The following SNX29 variants were observed in gnomAD, a reference collection of about 807,000 sequenced individuals.
The protein encoded by SNX29 is sorting nexin-29.
A neutral mutation model predicts 102.1 loss-of-function variants in SNX29; 78 were observed. The ratio of observed to expected loss-of-function variants is 0.76; its 90% CI spans 0.64 to 0.92. The LOEUF (loss-of-function observed/expected upper bound fraction) is 0.92, where lower values mean the gene tolerates loss of function less well. Among genes scored for constraint, SNX29 ranks in the 40% least tolerant of loss-of-function variants. The probability of loss-of-function intolerance (pLI) is 0.00; values close to 1 mark genes in which losing one functional copy is unlikely to be tolerated. For missense variants in SNX29, 1,280 were observed against 1,061.7 expected (o/e 1.21, Z -2.86); for synonymous variants, 580 against 414.5 (o/e 1.40, Z -4.85).
At chr16:12,285,876 G>C (rs751149617) in intron 15 of SNX29, among the ~76,000 whole-genome samples, 1 of 152,108 alleles carries the variant, frequency 6.6e-6, no homozygotes, top group Non-Finnish European at 1.5e-5. Context: ...TTATTTTTCT[G>C]ATGGAGTTTC....
At chr16:12,153,406 G>T (rs1597056742) in intron 13 of SNX29, among the ~76,000 whole-genome samples, 1 of 151,952 alleles carries the variant, frequency 6.6e-6, no homozygotes, top group East Asian at 1.9e-4. Context: ...GGAGGCCCCT[G>T]GGGAGATCCC....
chr16:12,376,995 G>A (rs1346505085), intron 16 of SNX29, among the ~76,000 whole-genome samples: 2 of 152,088 alleles, frequency 1.3e-5, no homozygotes, highest in African/African-American at 4.8e-5. Context: ...TTCTGGTTCT[G>A]GGGTTTTCTA....
rs77060065 is a variant in SNX29 at position 12,276,924 on chromosome 16, C to T, written c.1679-1009C>T. Among the ~76,000 whole-genome samples the T allele has an allele frequency of 2.6e-3, 399 of 152,156 alleles. 2 individuals are homozygous for T. The highest frequency in any genetic ancestry group is 8.7e-3 in the African/African-American group (361 of 41,484). On this transcript the variant is annotated intron_variant, in intron 14 of 20. Transcript: ENST00000566228. ...TGCATTGACGTTCTGTGTTGGTTTCCGAGTTTTTCTAAAGGTTTTCTTGCT... is the reference window on the plus strand; with the variant it reads ...TGCATTGACGTTCTGTGTTGGTTTCTGAGTTTTTCTAAAGGTTTTCTTGCT...
chr16:12,572,337 C>A lies in SNX29; in HGVS notation c.*3708C>A, dbSNP rs761999385. On this transcript the variant is annotated 3_prime_UTR_variant, in exon 21 of 21. Transcript: ENST00000566228. The stretch of plus-strand genomic sequence containing the variant: ...GGAAACAGGAGTGAAGCCCACCAGC[C>A]TGCCTGGTTGATGGACAGCAGGCTC... The A allele has an allele frequency of 9.4e-7, 1 of 1,063,480 alleles. No homozygotes were observed. The highest frequency in any genetic ancestry group is 1.1e-6 in the Non-Finnish European group (1 of 878,048). The allele number at this position is 1,063,480 out of a possible 1,614,324, so 65.9% of individuals were successfully genotyped here. A position where few individuals can be genotyped will look rare whatever the true frequency, so the allele number is the denominator to read the frequency against.
At chr16:12,154,474 T>A (rs6498266) in intron 13 of SNX29, among the ~76,000 whole-genome samples, 32,921 of 151,988 alleles carry the variant, frequency 0.22, 3,694 homozygotes, top group Middle Eastern at 0.24. Context: ...CCTAATTACA[T>A]ACGTGTGTGT....
chr16:12,551,942 G>C (rs527702474), intron 20 of SNX29, among the ~76,000 whole-genome samples: 18 of 152,330 alleles, frequency 1.2e-4, no homozygotes, highest in African/African-American at 4.3e-4. Flanking sequence ...TGAGGATCCA[G>C]TGAGATTCCC....
At position 12,572,209 on chromosome 16, in the gene SNX29, A is replaced by G. The variant is rs1298949734; in HGVS notation, c.*3580A>G. ...CCATGGCAGGTAGTATTGTGCTTTA[A>G]AAACCAGAGGCTCCTGAAAGTCGTT... On this transcript the variant is annotated 3_prime_UTR_variant, in exon 21 of 21. Coordinates refer to ENST00000566228, the MANE Select transcript of SNX29 (RefSeq NM_032167.5). 1 of 996,570 alleles carries G rather than the reference A, an allele frequency of 1.0e-6. No individual in the cohort carries two copies. The highest frequency in any genetic ancestry group is 1.2e-6 in the Non-Finnish European group (1 of 817,392). 61.7% of individuals were successfully genotyped at this position (996,570 alleles called of 1,614,324 possible). A position where few individuals can be genotyped will look rare whatever the true frequency, so the allele number is the denominator to read the frequency against.
At chr16:12,539,212 C>T (rs535129756) in intron 20 of SNX29, among the ~76,000 whole-genome samples, 63 of 152,272 alleles carry the variant, frequency 4.1e-4, no homozygotes, top group South Asian at 2.5e-3. Context: ...CCACCATCAC[C>T]GTCAAGATAT....
chr16:12,572,474 A>T lies in SNX29; in HGVS notation c.*3845A>T, dbSNP rs1341997181. 1 of 1,063,506 alleles carries T rather than the reference A, an allele frequency of 9.4e-7. No homozygotes were observed. Among genetic ancestry groups the T allele is most frequent in the Non-Finnish European group, 1.1e-6 (1 of 878,270 alleles). 65.9% of individuals were successfully genotyped at this position (1,063,506 alleles called of 1,614,324 possible). A position where few individuals can be genotyped will look rare whatever the true frequency, so the allele number is the denominator to read the frequency against. On this transcript the variant is annotated 3_prime_UTR_variant, in exon 21 of 21. Transcript: ENST00000566228. ...ATGGTACATTTTGCCAACCCTGAGG[A>T]CCAGTTCTTGGGGTTCCAGGCCTCG...
chr16:12,507,400 A>G (rs1458890606), intron 19 of SNX29, among the ~76,000 whole-genome samples: 1 of 152,244 alleles, frequency 6.6e-6, no homozygotes, highest in Non-Finnish European at 1.5e-5. Flanking sequence ...TGGCTAATGC[A>G]GAATCGAACC....
At position 12,051,993 on chromosome 16, in the gene SNX29, TC is replaced by T; in HGVS notation, c.897del (p.Ser300LeufsTer32). 1 of 1,613,940 alleles carries T rather than the reference TC, an allele frequency of 6.2e-7. No homozygotes were observed. On this transcript the variant is annotated frameshift_variant, in exon 8 of 21. Transcript: ENST00000566228. LOFTEE classifies it high-confidence loss of function. ...GESSEDNSDR[S>X]SVNIMSAFES... ...GAGCTCAGAGGACAACTCCGACCGC[TC>T]CTCTGTCAATATCATGTCCGCCTTT...
At chr16:12,415,442 A>C (rs912499459) in intron 18 of SNX29, among the ~76,000 whole-genome samples, 2 of 152,260 alleles carry the variant, frequency 1.3e-5, no homozygotes, top group African/African-American at 4.8e-5. Context: ...TTGTAATTAC[A>C]CAGCAAGGAC....
chr16:12,088,351 CT>C (rs1221176617), intron 11 of SNX29, among the ~76,000 whole-genome samples: 1 of 152,076 alleles, frequency 6.6e-6, no homozygotes, highest in East Asian at 1.9e-4. Flanking sequence ...CCCTTGTAAG[CT>C]CTGCAGGGTG....
Position 12,547,570 on chromosome 16 carries a change from T to C in SNX29, c.2319-20936T>C, listed in dbSNP as rs191327659. 4.2e-3 allele frequency among the ~76,000 whole-genome samples: 639 copies of C among 152,034 alleles called. 2 individuals are homozygous for C. The highest frequency in any genetic ancestry group is 0.015 in the African/African-American group (612 of 41,416). ...TCCTGAGCTGTGGTTAACATCCCCC[T>C]CCCTCACGAGGATTAAATACACCCC... is the stretch of plus-strand genomic sequence containing the variant. On this transcript the variant is annotated intron_variant, in intron 20 of 20. Transcript: ENST00000566228.
At chr16:12,033,962 A>G (rs908563629) in intron 4 of SNX29, among the ~76,000 whole-genome samples, 4 of 152,096 alleles carry the variant, frequency 2.6e-5, no homozygotes, top group Admixed American at 6.6e-5. Flanking sequence ...ACTGCATTCA[A>G]AATAACCACT....
chr16:12,490,278 T>A (rs909429017), intron 19 of SNX29, among the ~76,000 whole-genome samples: 2 of 152,240 alleles, frequency 1.3e-5, no homozygotes, highest in African/African-American at 4.8e-5. Context: ...TGCTTTCTGA[T>A]ACCATAGTGT....
At chr16:12,111,065 G>C (rs866086734) in intron 11 of SNX29, among the ~76,000 whole-genome samples, 3 of 152,122 alleles carry the variant, frequency 2.0e-5, no homozygotes, top group Non-Finnish European at 4.4e-5. Context: ...TCCCACCTTG[G>C]CTTCTCAAAG....
chr16:12,084,003 G>T (rs2052036906), intron 11 of SNX29, among the ~76,000 whole-genome samples: 1 of 152,188 alleles, frequency 6.6e-6, no homozygotes, highest in Non-Finnish European at 1.5e-5. Flanking sequence ...AGGGTGTTTT[G>T]TCCTGAGGCA....
chr16:12,433,347 T>C (rs2085392305), intron 18 of SNX29, among the ~76,000 whole-genome samples: 3 of 151,952 alleles, frequency 2.0e-5, no homozygotes, highest in Admixed American at 6.6e-5. Context: ...ACTGTAACGA[T>C]TGGCCGGGCG....
Sources: allele counts gnomAD v4.1 joint callset (sites outside exome capture counted in the v4.1 genomes callset), GRCh38; gene constraint gnomAD v4.1.1; transcripts MANE v1.5; gene names NCBI Gene and HGNC (gene_info 2026-07-23, HGNC 2026-07-21).